EIF4E2: variants seen among roughly 807,000 people sequenced by gnomAD.
EIF4E2 encodes eukaryotic translation initiation factor 4E type 2.
EIF4E2 carries 13 observed loss-of-function variants against 34.2 expected under a neutral mutation model. That is an observed-to-expected ratio of 0.38 (90% CI 0.25 to 0.60). EIF4E2 has a LOEUF of 0.60. Ranked by LOEUF, EIF4E2 falls within the 20% of genes least tolerant of loss-of-function variation. EIF4E2 has a pLI of 0.62. For missense variants in EIF4E2, 222 were observed against 315.1 expected, an observed-to-expected ratio of 0.70 and a Z score of 2.24; for synonymous variants, 100 against 106.6, an observed-to-expected ratio of 0.94 and a Z score of 0.38.
intron 1 of EIF4E2, among the ~76,000 whole-genome samples, chr2:232,555,699 G>C (rs1692493641): frequency 6.6e-6 from 1 of 152,084 alleles, no homozygotes; most frequent in Non-Finnish European, 1.5e-5. Flanking sequence ...CAGACCGAAG[G>C]GGTGGTGTTT....
rs554165866 is a variant in EIF4E2, at chr2:232,566,139, T to G, written c.376-690T>G. Among the ~76,000 whole-genome samples the G allele has an allele frequency of 2.0e-3, 308 of 152,254 alleles. 1 individual carries two copies. Among genetic ancestry groups the G allele is most frequent in the African/African-American group, 6.6e-3 (275 of 41,556 alleles). Reference sequence around the variant, plus strand: ...AGATTGGGGCTTCATGTCTGTGTACTTGGTATGTAGTGACAGTCAGTACTT... The same window carrying G: ...AGATTGGGGCTTCATGTCTGTGTACGTGGTATGTAGTGACAGTCAGTACTT... On this transcript the variant is annotated intron_variant, in intron 4 of 6. Transcript: ENST00000258416. This position sits in a 1 kb window ranked among gnomAD's most constrained non-coding sequence, Gnocchi z 4.9.
At chr2:232,575,736 A>G (rs573480020) in intron 6 of EIF4E2, among the ~76,000 whole-genome samples, 50 of 152,378 alleles carry the variant, frequency 3.3e-4, no homozygotes, top group African/African-American at 1.2e-3. Flanking sequence ...ATTGATTTTT[A>G]GGCTAAAAAA....
downstream of EIF4E2, chr2:232,574,193 T>G (rs746321164): frequency 6.9e-7 from 1 of 1,455,266 alleles, no homozygotes; most frequent in Non-Finnish European, 9.4e-7. Context: ...GGGGTTATTG[T>G]GTCTGCTCTC....
intron 6 of EIF4E2, among the ~76,000 whole-genome samples, chr2:232,577,488 C>T (rs1403223620): frequency 2.6e-5 from 4 of 152,206 alleles, no homozygotes; most frequent in Non-Finnish European, 4.4e-5. Flanking sequence ...CCCTGTCATC[C>T]ATTTTCAGGA....
Position 232,566,312 on chromosome 2 carries a change from G to A in EIF4E2, c.376-517G>A, listed in dbSNP as rs1169359178. 6.6e-6 allele frequency among the ~76,000 whole-genome samples: 1 copy of A among 151,976 alleles called. No homozygotes were observed. The highest frequency in any genetic ancestry group is 2.4e-5 in the African/African-American group (1 of 41,390). On this transcript the variant is annotated intron_variant, in intron 4 of 6. Coordinates refer to ENST00000258416, the MANE Select transcript of EIF4E2 (RefSeq NM_004846.4). The surrounding 1 kb of genome is among the most constrained non-coding windows in gnomAD (Gnocchi z 4.9). ...CGCCATTCTCCCGCCTCAGCCTCCC[G>A]AGTAGCTGGGACTACAGGCGCCCAC...
intron 3 of EIF4E2, among the ~76,000 whole-genome samples, chr2:232,563,410 A>AG (rs543149379): frequency 2.0e-4 from 29 of 146,240 alleles, no homozygotes; most frequent in East Asian, 1.2e-3. Flanking sequence ...TTTTAAGGGG[A>AG]GGGGGGGTGA....
At chr2:232,571,332 A>G (rs1693086221), downstream of EIF4E2, among the ~76,000 whole-genome samples, 1 of 152,246 alleles carries the variant, frequency 6.6e-6, no homozygotes, top group Admixed American at 6.5e-5. Flanking sequence ...TGCTCAGGTC[A>G]TAGCTCCTTT....
rs1202129511 is a variant in EIF4E2 at position 232,581,944 on chromosome 2, G to T, written c.*1001G>T. ...GTGACCTTGCTGGATGGCTTTATTTGCATGGCTCTGCCTGTCTGCAGTGGT... is the reference window on the plus strand; with the variant it reads ...GTGACCTTGCTGGATGGCTTTATTTTCATGGCTCTGCCTGTCTGCAGTGGT... On this transcript the variant is annotated 3_prime_UTR_variant, in exon 7 of 7. Transcript: ENST00000409098. The surrounding 1 kb of genome is among the most constrained non-coding windows in gnomAD (Gnocchi z 5.2). The T allele has an allele frequency of 6.6e-6, 1 of 152,300 alleles. No homozygotes were observed. The highest frequency in any genetic ancestry group is 1.5e-5 in the Non-Finnish European group (1 of 68,090). 9.4% of individuals were successfully genotyped at this position (152,300 alleles called of 1,614,324 possible).
chr2:232,551,839 C>G (rs1692344389), intron 1 of EIF4E2, among the ~76,000 whole-genome samples: 1 of 152,148 alleles, frequency 6.6e-6, no homozygotes, highest in Non-Finnish European at 1.5e-5. Context: ...ATTTCCAACA[C>G]TCCAGGCAGG....
At chr2:232,577,479 C>A (rs181619137) in intron 6 of EIF4E2, among the ~76,000 whole-genome samples, 18 of 152,182 alleles carry the variant, frequency 1.2e-4, no homozygotes, top group African/African-American at 4.3e-4. Flanking sequence ...ACTTTGCCCC[C>A]CTGTCATCCA....
chr2:232,567,658 A>G, intron 6 of EIF4E2: 1 of 1,039,510 alleles, frequency 9.6e-7, no homozygotes, highest in African/African-American at 1.7e-5. Context: ...ACTTATCAGG[A>G]ATGACTCCAT....
chr2:232,576,079 C>G (rs748248518), intron 6 of EIF4E2, among the ~76,000 whole-genome samples: 3 of 152,036 alleles, frequency 2.0e-5, no homozygotes, highest in Non-Finnish European at 4.4e-5. Context: ...TGGCACACAC[C>G]TGTTGTCCCA....
At chr2:232,556,364 A>G (rs1335434651) in intron 1 of EIF4E2, 52 bp from the exon 2 acceptor site, 3 of 1,473,716 alleles carry the variant, frequency 2.0e-6, no homozygotes, top group Non-Finnish European at 2.8e-6. Context: ...TTTGTTAGGT[A>G]AGCAAGAATT....
chr2:232,556,515 C>G lies in EIF4E2; in HGVS notation c.120C>G (p.Ser40Arg). The part of the protein sequence containing the change: ...KEKTERDKNQ[S>R]SSKRKAVVPG... Reference sequence around the variant, plus strand: ...AAACGGAACGAGACAAGAATCAGAGCAGTAGCAAGAGAAAGGTGAGTGTTG... The same window carrying G: ...AAACGGAACGAGACAAGAATCAGAGGAGTAGCAAGAGAAAGGTGAGTGTTG... The change falls in exon 2 of 7, where the codon AGC becomes AGG. Residue 40 changes from serine (S) to arginine (R), a missense_variant. This residue lies in a region of EIF4E2 where 87 missense variants were observed against 93.6 expected (regional missense o/e 0.93). Transcript: ENST00000258416. 1 of 1,611,966 alleles carries G rather than the reference C, an allele frequency of 6.2e-7. No homozygotes were observed. Among genetic ancestry groups the G allele is most frequent in the East Asian group, 2.2e-5 (1 of 44,874 alleles).
At chr2:232,580,196 A>C (rs979724538) in intron 6 of EIF4E2, among the ~76,000 whole-genome samples, 6 of 152,010 alleles carry the variant, frequency 3.9e-5, no homozygotes, top group African/African-American at 1.5e-4. Context: ...TACTTCCTGG[A>C]ATATCCTTTC....
downstream of EIF4E2, among the ~76,000 whole-genome samples, chr2:232,572,018 G>T (rs1044842847): frequency 5.9e-5 from 9 of 152,164 alleles, no homozygotes; most frequent in Admixed American, 4.6e-4. Flanking sequence ...GCCAAGAGTG[G>T]TCTTAAAAGA....
downstream of EIF4E2, chr2:232,574,063 C>T (rs1428240615): frequency 5.6e-6 from 4 of 712,850 alleles, no homozygotes; most frequent in Admixed American, 8.0e-5. Context: ...GAAGTGCCCG[C>T]TGGCCCTGAA....
intron 2 of EIF4E2, 27 bp from the exon 3 acceptor site, chr2:232,557,857 G>C (rs921838653): frequency 1.2e-6 from 2 of 1,610,310 alleles, no homozygotes; most frequent in Non-Finnish European, 1.7e-6. Flanking sequence ...AAATGCCCAG[G>C]ACTAACACAC....
rs774592191 is a variant in EIF4E2 at position 232,557,924 on chromosome 2, A to G, written c.176A>G (p.Asn59Ser). ...CCGGCAGAGCATCCCCTGCAGTACA[A>G]CTACACTTTTTGGTACTCCAGGAGA... ...PGPAEHPLQY[N>S]YTFWYSRRTP... Residue 59 changes from asparagine to serine, a missense_variant, in exon 3 of 7, where the codon AAC becomes AGC. This residue lies in a region of EIF4E2 where 87 missense variants were observed against 93.6 expected (regional missense o/e 0.93). Coordinates refer to ENST00000258416, the MANE Select transcript of EIF4E2 (RefSeq NM_004846.4). 10 of 1,614,032 alleles carry G rather than the reference A, an allele frequency of 6.2e-6. No homozygotes were observed. The highest frequency in any genetic ancestry group is 1.1e-5 in the South Asian group (1 of 91,068).
Sources: allele counts gnomAD v4.1 joint callset (sites outside exome capture counted in the v4.1 genomes callset), GRCh38; gene constraint gnomAD v4.1.1; regional missense constraint gnomAD v4.1.1; non-coding constraint Gnocchi (gnomAD v3.1); transcripts MANE v1.5; gene names NCBI Gene and HGNC (gene_info 2026-07-23, HGNC 2026-07-21).